The following PRND variants were observed in gnomAD, a reference collection of about 807,000 sequenced individuals.
PRND encodes the protein prion like protein doppel.
For synonymous variants in PRND, 94 were observed against 93.2 expected, an observed-to-expected ratio of 1.01 and a Z score of -0.05; for missense variants, 227 against 223.3, an observed-to-expected ratio of 1.02 and a Z score of -0.11.
rs1923301523 is a variant in PRND at position 4,727,325 on chromosome 20, T to C, written c.*2243T>C. ...TATGGTGATTCAAATGCAAAATTTG[T>C]TTATGGGGCTTTTAATCGAACGCGT... On this transcript the variant is annotated 3_prime_UTR_variant, in exon 2 of 2. Transcript: ENST00000305817. The C allele has an allele frequency of 6.0e-6, 1 of 167,028 alleles. No homozygotes were observed. The highest frequency in any genetic ancestry group is 1.5e-5 in the Non-Finnish European group (1 of 68,116). The allele number at this position is 167,028 out of a possible 1,614,324, so 10.3% of individuals were successfully genotyped here. A position where few individuals can be genotyped will look rare whatever the true frequency, so the allele number is the denominator to read the frequency against.
Position 4,727,838 on chromosome 20 carries a change from T to C in PRND, c.*2756T>C, listed in dbSNP as rs1249500927. 1 of 162,448 alleles carries C rather than the reference T, an allele frequency of 6.2e-6. No homozygotes were observed. The highest frequency in any genetic ancestry group is 1.9e-4 in the East Asian group (1 of 5,162). 10.1% of individuals were successfully genotyped at this position (162,448 alleles called of 1,614,324 possible). A position where few individuals can be genotyped will look rare whatever the true frequency, so the allele number is the denominator to read the frequency against. ...TCTCATTCTGTTGCCCAGGCTGGAGTGCAGTGGCGTGATCTTGGCTCACTA... is the reference window on the plus strand; with the variant it reads ...TCTCATTCTGTTGCCCAGGCTGGAGCGCAGTGGCGTGATCTTGGCTCACTA... On this transcript the variant is annotated 3_prime_UTR_variant, in exon 2 of 2. Transcript: ENST00000305817.
In PRND at chr20:4,724,259, C is replaced by T. The variant is rs1322819294; in HGVS notation, c.-11-282C>T. Among the ~76,000 whole-genome samples, 2 of 152,052 alleles carry T rather than the reference C, an allele frequency of 1.3e-5. No homozygotes were observed. Among genetic ancestry groups the T allele is most frequent in the African/African-American group, 4.8e-5 (2 of 41,394 alleles). The stretch of plus-strand genomic sequence containing the variant: ...TATTAAGTCACCACTCCTTTATTTT[C>T]CCATGCGTATTCAAAGCCACTATAA... On this transcript the variant is annotated intron_variant, in intron 1 of 1. Transcript: ENST00000305817. This position sits in a 1 kb window ranked among gnomAD's most constrained non-coding sequence, Gnocchi z 4.8.
At chr20:4,722,454 C>G (rs936471970) in intron 1 of PRND, among the ~76,000 whole-genome samples, 1 of 150,818 alleles carries the variant, frequency 6.6e-6, no homozygotes, top group Non-Finnish European at 1.5e-5. Flanking sequence ...GGTCCAGATG[C>G]TCATAGCCAC....
Position 4,722,629 on chromosome 20 carries a change from T to C in PRND, c.-12+660T>C, listed in dbSNP as rs6139527. ...TGTGGCATCAGAGTTGAACATTTTA[T>C]CAGAGGAACATTAGCCACTTTTAGG... On this transcript the variant is annotated intron_variant, in intron 1 of 1. Transcript: ENST00000305817. Among the ~76,000 whole-genome samples the C allele has an allele frequency of 6.4e-3, 976 of 152,126 alleles. 29 individuals are homozygous for C. The East Asian group carries it at 0.087, about 14-fold the overall frequency.
intron 1 of PRND, among the ~76,000 whole-genome samples, chr20:4,722,415 C>T (rs1923128616): frequency 1.3e-5 from 2 of 151,912 alleles, no homozygotes; most frequent in South Asian, 4.1e-4. Flanking sequence ...GTTCACTGTG[C>T]TCAGGAGGCA....
At position 4,726,314 on chromosome 20, in the gene PRND, A is replaced by C. The variant is rs1923266695; in HGVS notation, c.*1232A>C. 1 of 166,690 alleles carries C rather than the reference A, an allele frequency of 6.0e-6. No homozygotes were observed. Among genetic ancestry groups the C allele is most frequent in the South Asian group, 2.1e-4 (1 of 4,816 alleles). The allele number at this position is 166,690 out of a possible 1,614,324, so 10.3% of individuals were successfully genotyped here. ...GTATCTTTAAATATAATCCCTTTAC[A>C]TCTGTGTTCTATGCAAAGTCTCTCA... is the stretch of plus-strand genomic sequence containing the variant. On this transcript the variant is annotated 3_prime_UTR_variant, in exon 2 of 2. Coordinates refer to ENST00000305817, the MANE Select transcript of PRND (RefSeq NM_012409.4).
rs536659881 is a variant in PRND, at chr20:4,726,954, A to G, written c.*1872A>G. ...GGGTTCACGTCACTGCCAGAGCTAC[A>G]CTCGCCTTCTGCTTCCACGGTCCTG... is the stretch of plus-strand genomic sequence containing the variant. On this transcript the variant is annotated 3_prime_UTR_variant, in exon 2 of 2. Coordinates refer to ENST00000305817, the MANE Select transcript of PRND (RefSeq NM_012409.4). The G allele has an allele frequency of 2.4e-5, 4 of 167,052 alleles. No homozygotes were observed. Among genetic ancestry groups the G allele is most frequent in the African/African-American group, 9.7e-5 (4 of 41,406 alleles). The allele number at this position is 167,052 out of a possible 1,614,324, so 10.3% of individuals were successfully genotyped here.
At position 4,724,713 on chromosome 20, in the gene PRND, C is replaced by G; in HGVS notation, c.162C>G (p.Asn54Lys). The change falls in exon 2 of 2, where the codon AAC becomes AAG. Residue 54 changes from asparagine (N) to lysine (K), a missense_variant. By Grantham distance (94) the Asn-to-Lys change is moderately conservative (BLOSUM62 0). Transcript: ENST00000305817. This position sits in a 1 kb window ranked among gnomAD's most constrained non-coding sequence, Gnocchi z 4.8. ...AQITEAQVAE[N>K]RPGAFIKQGR... is the part of the protein sequence containing the mutation. ...TCACTGAGGCCCAGGTGGCTGAGAA[C>G]CGCCCGGGAGCCTTCATCAAGCAAG... 6.2e-7 allele frequency: 1 copy of G among 1,614,204 alleles called. No homozygotes were observed. Among genetic ancestry groups the G allele is most frequent in the Non-Finnish European group, 8.5e-7 (1 of 1,180,044 alleles).
Position 4,726,413 on chromosome 20 carries a change from C to A in PRND, c.*1331C>A. 6.0e-6 allele frequency: 1 copy of A among 166,988 alleles called. No individual in the cohort carries two copies. The allele number at this position is 166,988 out of a possible 1,614,324, so 10.3% of individuals were successfully genotyped here. A position where few individuals can be genotyped will look rare whatever the true frequency, so the allele number is the denominator to read the frequency against. ...GTCACTACAAAAATACAATTACTCACCAAAAAGCTTTAAAAAATAAAGCTG... is the reference window on the plus strand; with the variant it reads ...GTCACTACAAAAATACAATTACTCAACAAAAAGCTTTAAAAAATAAAGCTG... On this transcript the variant is annotated 3_prime_UTR_variant, in exon 2 of 2. Transcript: ENST00000305817.
rs2245220 is a variant in PRND at position 4,725,072 on chromosome 20, C to T, written c.521C>T (p.Thr174Met). The T allele has an allele frequency of 0.48, 778,854 of 1,611,462 alleles. 191,903 individuals are homozygous for T. The highest frequency in any genetic ancestry group is 0.65 in the African/African-American group (48,572 of 74,792). ...LLCLLALIWL[T>M]VK ...TGCCTTCTGGCTTTGATCTGGCTCA[C>T]GGTGAAATAAGCTTGCCAGGAGGCT... is the stretch of plus-strand genomic sequence containing the variant. The change falls in exon 2 of 2, where the codon ACG becomes ATG. Residue 174 changes from threonine (T) to methionine (M), a missense_variant. By Grantham distance (81) the Thr-to-Met change is moderately conservative. Coordinates refer to ENST00000305817, the MANE Select transcript of PRND (RefSeq NM_012409.4).
rs1332777353 is a variant in PRND at position 4,726,538 on chromosome 20, A to G, written c.*1456A>G. ...AAATATATATAACACAATATGAGTAATGTTTAAGATCTGTTTTAAATTTAA... is the reference window on the plus strand; with the variant it reads ...AAATATATATAACACAATATGAGTAGTGTTTAAGATCTGTTTTAAATTTAA... On this transcript the variant is annotated 3_prime_UTR_variant, in exon 2 of 2. Transcript: ENST00000305817. 1 of 167,112 alleles carries G rather than the reference A, an allele frequency of 6.0e-6. No homozygotes were observed. Among genetic ancestry groups the G allele is most frequent in the Non-Finnish European group, 1.5e-5 (1 of 68,130 alleles). 10.4% of individuals were successfully genotyped at this position (167,112 alleles called of 1,614,324 possible).
At position 4,721,942 on chromosome 20, in the gene PRND, C is replaced by T. The variant is rs1299198303; in HGVS notation, c.-39C>T. 6.6e-6 allele frequency: 1 copy of T among 152,176 alleles called. No homozygotes were observed. Among genetic ancestry groups the T allele is most frequent in the Non-Finnish European group, 1.5e-5 (1 of 68,102 alleles). 9.4% of individuals were successfully genotyped at this position (152,176 alleles called of 1,614,324 possible). ...CTGGGGGACTGTGCAGCTCGAGGCT[C>T]CAGAGGCACACTCCAGAGAGAGCCA... On this transcript the variant is annotated 5_prime_UTR_variant, in exon 1 of 2. Transcript: ENST00000305817.
rs1923283183 is a variant in PRND, at chr20:4,726,783, C to T, written c.*1701C>T. ...GATGAGGGCACCTCTTGTGCTGAGT[C>T]CCCTCAGCTATCAGTGTTCTTCTCA... On this transcript the variant is annotated 3_prime_UTR_variant, in exon 2 of 2. Transcript: ENST00000305817. 1 of 167,084 alleles carries T rather than the reference C, an allele frequency of 6.0e-6. No individual in the cohort carries two copies. Among genetic ancestry groups the T allele is most frequent in the Non-Finnish European group, 1.5e-5 (1 of 68,132 alleles). The allele number at this position is 167,084 out of a possible 1,614,324, so 10.4% of individuals were successfully genotyped here.
At position 4,724,809 on chromosome 20, in the gene PRND, C is replaced by A. The variant is rs200650955; in HGVS notation, c.258C>A (p.Pro86=). The A allele has an allele frequency of 3.1e-6, 5 of 1,614,068 alleles. No individual in the cohort carries two copies. In the African/African-American group the frequency reaches 5.3e-5, roughly 17 times the overall value. The change falls in exon 2 of 2, where the codon CCC becomes CCA. Residue 86 remains proline (P), a synonymous_variant. Coordinates refer to ENST00000305817, the MANE Select transcript of PRND (RefSeq NM_012409.4). This position sits in a 1 kb window ranked among gnomAD's most constrained non-coding sequence, Gnocchi z 4.8. ...ACGAGGCCAACTACTGGCAGTTCCC[C>A]GATGGCATCCACTACAACGGCTGCT... is the stretch of plus-strand genomic sequence containing the variant. The part of the protein sequence containing the change: ...RYYEANYWQF[P]DGIHYNGCSE...
At chr20:4,722,622 C>A (rs1164139652) in intron 1 of PRND, among the ~76,000 whole-genome samples, 2 of 151,676 alleles carry the variant, frequency 1.3e-5, no homozygotes, top group Admixed American at 6.6e-5. Flanking sequence ...CAGAGTTGAA[C>A]ATTTTATCAG....
rs1923301077 is a variant in PRND, at chr20:4,727,303, G to A, written c.*2221G>A. ...TGGGGCATGACGTGAATGTGTATAT[G>A]GTGATTCAAATGCAAAATTTGTTTA... On this transcript the variant is annotated 3_prime_UTR_variant, in exon 2 of 2. Coordinates refer to ENST00000305817, the MANE Select transcript of PRND (RefSeq NM_012409.4). The A allele has an allele frequency of 6.0e-6, 1 of 167,056 alleles. No individual in the cohort carries two copies. Among genetic ancestry groups the A allele is most frequent in the Admixed American group, 6.5e-5 (1 of 15,280 alleles). 10.3% of individuals were successfully genotyped at this position (167,056 alleles called of 1,614,324 possible).
At position 4,726,237 on chromosome 20, in the gene PRND, G is replaced by T. The variant is rs1923264385; in HGVS notation, c.*1155G>T. On this transcript the variant is annotated 3_prime_UTR_variant, in exon 2 of 2. Transcript: ENST00000305817. Reference sequence around the variant, plus strand: ...AAAACAAAATGTTAGTGGCATATTTGCTTCTAATGTTCCCCTAACCCTACA... The same window carrying T: ...AAAACAAAATGTTAGTGGCATATTTTCTTCTAATGTTCCCCTAACCCTACA... 1 of 158,890 alleles carries T rather than the reference G, an allele frequency of 6.3e-6. No homozygotes were observed. The highest frequency in any genetic ancestry group is 2.6e-5 in the African/African-American group (1 of 38,506). 9.8% of individuals were successfully genotyped at this position (158,890 alleles called of 1,614,324 possible).
Position 4,725,053 on chromosome 20 carries a change from C to T in PRND, c.502C>T (p.Leu168=). ...GCACCAGCCAGTGCTCCTCTGCCTT[C>T]TGGCTTTGATCTGGCTCACGGTGAA... ...TMHQPVLLCL[L]ALIWLTVK is the part of the protein sequence containing the mutation. The change falls in exon 2 of 2, where the codon CTG becomes TTG. Residue 168 remains leucine, a synonymous_variant. Transcript: ENST00000305817. 1 of 1,613,458 alleles carries T rather than the reference C, an allele frequency of 6.2e-7. No homozygotes were observed. The highest frequency in any genetic ancestry group is 8.5e-7 in the Non-Finnish European group (1 of 1,179,938).
In PRND at chr20:4,725,074, G is replaced by A; in HGVS notation, c.523G>A (p.Val175Met). The A allele has an allele frequency of 6.2e-7, 1 of 1,612,904 alleles. No homozygotes were observed. Among genetic ancestry groups the A allele is most frequent in the Non-Finnish European group, 8.5e-7 (1 of 1,179,774 alleles). ...CCTTCTGGCTTTGATCTGGCTCACGGTGAAATAAGCTTGCCAGGAGGCTGG... is the reference window on the plus strand; with the variant it reads ...CCTTCTGGCTTTGATCTGGCTCACGATGAAATAAGCTTGCCAGGAGGCTGG... ...LCLLALIWLTVK is the reference protein window; with the variant it reads ...LCLLALIWLTMK Residue 175 changes from valine to methionine, a missense_variant, in exon 2 of 2, where the codon GTG (valine) becomes ATG (methionine). Coordinates refer to ENST00000305817, the MANE Select transcript of PRND (RefSeq NM_012409.4).
Sources: gnomAD v4.1 joint callset for allele counts (sites outside exome capture counted in the v4.1 genomes callset) on GRCh38, gnomAD v4.1.1 for gene constraint, Gnocchi (gnomAD v3.1) non-coding constraint, MANE v1.5 for transcripts, NCBI Gene and HGNC (gene_info 2026-07-23, HGNC 2026-07-21) for gene names.